SAP130: variants seen among roughly 807,000 people sequenced by gnomAD.
The protein encoded by SAP130 is histone deacetylase complex subunit SAP130.
A neutral mutation model predicts 103.2 loss-of-function variants in SAP130; 16 were observed. The ratio of observed to expected loss-of-function variants is 0.16; its 90% CI spans 0.10 to 0.24. The LOEUF is 0.24. Ranked by LOEUF, SAP130 falls within the 10% of genes least tolerant of loss-of-function variation. The pLI, the probability that SAP130 is intolerant of heterozygous loss-of-function variation, is 1.00. For synonymous variants in SAP130, 477 were observed against 497.0 expected, an observed-to-expected ratio of 0.96 and a Z score of 0.53; for missense variants, 990 against 1,359.7, an observed-to-expected ratio of 0.73 and a Z score of 4.28.
At position 127,974,111 on chromosome 2, in the gene SAP130, T is replaced by G. The variant is rs60650142; in HGVS notation, c.2063+3874A>C. ...TGCAGGTTCAAGCCATGAAGATAGT[T>G]AACGATTTTATCAGCTCTCACCTGG... On this transcript the variant is annotated intron_variant, in intron 15 of 20. Coordinates refer to ENST00000643581, the MANE Select transcript of SAP130 (RefSeq NM_001330301.2). 6.1e-3 allele frequency among the ~76,000 whole-genome samples: 930 copies of G among 152,268 alleles called. 21 individuals are homozygous for G. The highest frequency in any genetic ancestry group is 0.019 in the African/African-American group (806 of 41,536).
intron 15 of SAP130, among the ~76,000 whole-genome samples, chr2:127,958,717 A>G (rs1054308016): frequency 1.3e-5 from 2 of 150,636 alleles, no homozygotes; most frequent in Non-Finnish European, 2.9e-5. Flanking sequence ...GCTGGTGTGC[A>G]GTGGCATGAT....
chr2:128,027,315 C>CG, intron 1 of SAP130: 14 of 1,154,344 alleles, frequency 1.2e-5, no homozygotes, highest in South Asian at 4.4e-5. Flanking sequence ...CTGCCCCTGC[C>CG]TCCCCCGCCC....
At chr2:128,026,119 G>C (rs939431031) in intron 2 of SAP130, 62 bp downstream of exon 2, 2 of 1,131,006 alleles carry the variant, frequency 1.8e-6, no homozygotes, top group Non-Finnish European at 2.6e-6. Context: ...TAATTTTTAA[G>C]TTAGAAAACT....
At chr2:128,018,394 A>G (rs1684923901) in intron 2 of SAP130, among the ~76,000 whole-genome samples, 1 of 142,172 alleles carries the variant, frequency 7.0e-6, no homozygotes, top group Admixed American at 7.2e-5. Context: ...CTAAGGTGGG[A>G]GGATCACCTG....
chr2:127,999,335 A>G (rs1683384214), intron 10 of SAP130, among the ~76,000 whole-genome samples: 1 of 152,072 alleles, frequency 6.6e-6, no homozygotes, highest in African/African-American at 2.4e-5. Flanking sequence ...ATCTCAGCTG[A>G]GTGCGGTGGC....
intron 19 of SAP130, among the ~76,000 whole-genome samples, chr2:127,943,215 A>G (rs967997018): frequency 6.6e-6 from 1 of 152,184 alleles, no homozygotes; most frequent in Non-Finnish European, 1.5e-5. Flanking sequence ...GATACTGACA[A>G]CAGACAATGT....
chr2:128,002,513 C>T (rs751673098), intron 7 of SAP130, among the ~76,000 whole-genome samples: 5 of 151,374 alleles, frequency 3.3e-5, no homozygotes, highest in East Asian at 2.0e-4. Context: ...TGGGTGACAG[C>T]GCAAGAGTCT....
chr2:127,990,289 A>G (rs981086757), intron 12 of SAP130, among the ~76,000 whole-genome samples: 3 of 152,166 alleles, frequency 2.0e-5, no homozygotes, highest in African/African-American at 7.2e-5. Flanking sequence ...AATGGCATGT[A>G]TCCACCAGAA....
intron 14 of SAP130, among the ~76,000 whole-genome samples, chr2:127,978,481 C>T (rs1252197825): frequency 6.6e-6 from 1 of 152,064 alleles, no homozygotes; most frequent in Admixed American, 6.6e-5. Flanking sequence ...ATAAAGACCC[C>T]GAAGCCAAGT....
chr2:128,015,991 A>G lies in SAP130; in HGVS notation c.507+398T>C, dbSNP rs139722737. The stretch of plus-strand genomic sequence containing the variant: ...ACTAGAGAGCTGCTTGAGGTAACCT[A>G]TCCCAAGAGATGCACATCTGCTCTC... On this transcript the variant is annotated intron_variant, in intron 4 of 20. Coordinates refer to ENST00000643581, the MANE Select transcript of SAP130 (RefSeq NM_001330301.2). Among the ~76,000 whole-genome samples, 47 of 151,444 alleles carry G rather than the reference A, an allele frequency of 3.1e-4. 1 individual carries two copies. In the South Asian group the frequency reaches 6.5e-3, roughly 21 times the overall value.
intron 2 of SAP130, among the ~76,000 whole-genome samples, chr2:128,023,987 T>G (rs971667605): frequency 2.6e-5 from 4 of 151,768 alleles, no homozygotes; most frequent in African/African-American, 9.7e-5. Context: ...AAGAAGGAAT[T>G]AGCCAAATAA....
chr2:127,944,228 G>C (rs140763060), intron 19 of SAP130, among the ~76,000 whole-genome samples: 64 of 151,974 alleles, frequency 4.2e-4, no homozygotes, highest in African/African-American at 1.5e-3. Context: ...TAGAGACAGG[G>C]TCCCACTATG....
At chr2:127,990,129 T>C (rs1302694456) in intron 12 of SAP130, among the ~76,000 whole-genome samples, 1 of 152,196 alleles carries the variant, frequency 6.6e-6, no homozygotes, top group African/African-American at 2.4e-5. Flanking sequence ...CAATCAGCTA[T>C]TAAATTGCAA....
At chr2:127,971,489 G>T (rs1681089717) in intron 15 of SAP130, among the ~76,000 whole-genome samples, 1 of 151,982 alleles carries the variant, frequency 6.6e-6, no homozygotes, top group African/African-American at 2.4e-5. Flanking sequence ...GGGTTTCACC[G>T]TGTTAGCCAG....
intron 13 of SAP130, among the ~76,000 whole-genome samples, chr2:127,988,399 G>C (rs1308219601): frequency 6.7e-6 from 1 of 149,044 alleles, no homozygotes; most frequent in African/African-American, 2.5e-5. Context: ...GTTCCAGCTG[G>C]GCAACAGAGT....
chr2:128,018,487 A>AG (rs1684936152), intron 2 of SAP130, among the ~76,000 whole-genome samples: 1 of 145,536 alleles, frequency 6.9e-6, no homozygotes, highest in Non-Finnish European at 1.5e-5. Context: ...TGTCTCCAAA[A>AG]AAAAAAAAAA....
intron 16 of SAP130, 112 bp from the exon 17 acceptor site, chr2:127,950,520 T>C: frequency 8.0e-7 from 1 of 1,249,930 alleles, no homozygotes; most frequent in Non-Finnish European, 1.1e-6. Context: ...GCACCAACAT[T>C]TATTGTCTTC....
intron 1 of SAP130, chr2:128,027,284 C>G: frequency 1.7e-6 from 2 of 1,165,368 alleles, no homozygotes; most frequent in Non-Finnish European, 2.1e-6. Flanking sequence ...CCGCTGTGCT[C>G]GCAGTCCTCT....
At chr2:127,945,079 T>C (rs1678982515) in intron 19 of SAP130, among the ~76,000 whole-genome samples, 1 of 151,866 alleles carries the variant, frequency 6.6e-6, no homozygotes, top group South Asian at 2.1e-4. Flanking sequence ...CTGGTCCCTG[T>C]GGTATGAAGG....
Sources: gnomAD v4.1 joint callset for allele counts (sites outside exome capture counted in the v4.1 genomes callset) on GRCh38, gnomAD v4.1.1 for gene constraint, MANE v1.5 for transcripts, NCBI Gene and HGNC (gene_info 2026-07-23, HGNC 2026-07-21) for gene names.